Variants in LRRC4C observed in about 807,000 individuals in gnomAD.
LRRC4C encodes leucine-rich repeat-containing protein 4C.
Under a neutral mutation model 33.6 loss-of-function variants are expected in LRRC4C, and 5 were observed. That is an observed-to-expected ratio of 0.15 (90% CI 0.08 to 0.31). The LOEUF is 0.31. Ranked by LOEUF, LRRC4C falls within the 10% of genes least tolerant of loss-of-function variation. The pLI, the probability that LRRC4C is intolerant of heterozygous loss-of-function variation, is 1.00. For missense variants in LRRC4C, 560 were observed against 796.7 expected (o/e 0.70, Z 3.58); for synonymous variants, 329 against 302.0 (o/e 1.09, Z -0.93).
chr11:40,210,112 G>T (rs1246668799), intron 5 of LRRC4C, among the ~76,000 whole-genome samples: 1 of 151,832 alleles, frequency 6.6e-6, no homozygotes, highest in East Asian at 1.9e-4. Context: ...ATTTATTTGT[G>T]TATAAAGATT....
intron 2 of LRRC4C, among the ~76,000 whole-genome samples, chr11:40,755,690 G>C (rs1253176379): frequency 2.0e-5 from 3 of 152,014 alleles, no homozygotes; most frequent in African/African-American, 7.2e-5. Flanking sequence ...AAGAGCTCCT[G>C]ACAACAAGAA....
intron 1 of LRRC4C, among the ~76,000 whole-genome samples, chr11:41,273,588 A>G (rs1007243332): frequency 6.6e-6 from 1 of 152,182 alleles, no homozygotes; most frequent in African/African-American, 2.4e-5. Flanking sequence ...TCCAGAGGCT[A>G]AAGGAAGGGG....
chr11:40,594,733 T>C (rs1475038163), intron 3 of LRRC4C, among the ~76,000 whole-genome samples: 1 of 152,162 alleles, frequency 6.6e-6, no homozygotes, highest in Non-Finnish European at 1.5e-5. Context: ...TTGGGACAGT[T>C]TAGGGTGTCT....
chr11:41,003,526 G>A (rs949986661), intron 1 of LRRC4C, among the ~76,000 whole-genome samples: 1 of 148,770 alleles, frequency 6.7e-6, no homozygotes, highest in Admixed American at 6.7e-5. Flanking sequence ...TTGAGATTAT[G>A]TCAACCGACA....
intron 1 of LRRC4C, among the ~76,000 whole-genome samples, chr11:41,180,278 T>A (rs1472634103): frequency 6.6e-6 from 1 of 152,136 alleles, no homozygotes; most frequent in Non-Finnish European, 1.5e-5. Flanking sequence ...AATTGCTGAG[T>A]AACTTGGAGA....
chr11:41,211,240 C>T (rs1375667890), intron 1 of LRRC4C, among the ~76,000 whole-genome samples: 2 of 152,152 alleles, frequency 1.3e-5, no homozygotes, highest in African/African-American at 2.4e-5. Context: ...GGGTGAAGAG[C>T]AGACTGCCAT....
rs146782453 is a variant in LRRC4C, at chr11:41,146,221, C to T, written c.-495-212498G>A. ...ATGAAGAATGTAATCATTGTTAGTC[C>T]TAGCCTGGGTCATTTAACTTTTCTC... On this transcript the variant is annotated intron_variant, in intron 1 of 6. Transcript: ENST00000528697. Among the ~76,000 whole-genome samples, 244 of 152,224 alleles carry T rather than the reference C, an allele frequency of 1.6e-3. 1 individual carries two copies. The highest frequency in any genetic ancestry group is 5.6e-3 in the African/African-American group (233 of 41,550).
intron 2 of LRRC4C, among the ~76,000 whole-genome samples, chr11:40,698,689 T>G (rs575680643): frequency 6.6e-6 from 1 of 152,164 alleles, no homozygotes; most frequent in Non-Finnish European, 1.5e-5. Context: ...TACCCAAGAC[T>G]GGGCAATGTA....
chr11:40,261,302 CAAATG>C (rs1426247140), intron 4 of LRRC4C, among the ~76,000 whole-genome samples: 6 of 152,078 alleles, frequency 3.9e-5, no homozygotes, highest in African/African-American at 1.4e-4. Flanking sequence ...ATGTTATTGA[CAAATG>C]AAATGAAAAG....
intron 1 of LRRC4C, among the ~76,000 whole-genome samples, chr11:41,172,205 C>T (rs1367299812): frequency 6.6e-6 from 1 of 152,158 alleles, no homozygotes; most frequent in Non-Finnish European, 1.5e-5. Flanking sequence ...TACAAGAAAG[C>T]CAGCAATTTT....
At chr11:40,869,091 T>C (rs1378147106) in intron 2 of LRRC4C, among the ~76,000 whole-genome samples, 1 of 151,722 alleles carries the variant, frequency 6.6e-6, no homozygotes, top group Non-Finnish European at 1.5e-5. Flanking sequence ...CATTTAGAAG[T>C]AAGAAAACTG....
chr11:40,624,903 T>C (rs1312918331), intron 3 of LRRC4C, among the ~76,000 whole-genome samples: 1 of 152,092 alleles, frequency 6.6e-6, no homozygotes, highest in Non-Finnish European at 1.5e-5. Context: ...CCCTTTAAGG[T>C]CATTTATTAT....
At chr11:40,337,636 T>G (rs1484667169) in intron 3 of LRRC4C, among the ~76,000 whole-genome samples, 1 of 152,212 alleles carries the variant, frequency 6.6e-6, no homozygotes, top group Non-Finnish European at 1.5e-5. Context: ...AATAATCTGT[T>G]TACTCTTCTC....
intron 5 of LRRC4C, among the ~76,000 whole-genome samples, chr11:40,164,856 T>C (rs771580346): frequency 1.3e-5 from 2 of 152,220 alleles, no homozygotes; most frequent in African/African-American, 4.8e-5. Flanking sequence ...ATATATCATA[T>C]GCACCCCATA....
At chr11:40,315,067 A>G (rs1354164699) in intron 4 of LRRC4C, among the ~76,000 whole-genome samples, 1 of 152,092 alleles carries the variant, frequency 6.6e-6, no homozygotes, top group Non-Finnish European at 1.5e-5. Context: ...TGCTTCAACA[A>G]GAAGAAATAA....
chr11:40,904,352 A>G (rs558161980), intron 2 of LRRC4C, among the ~76,000 whole-genome samples: 33 of 152,302 alleles, frequency 2.2e-4, no homozygotes, highest in Non-Finnish European at 3.7e-4. Flanking sequence ...TCTGTTTTTT[A>G]GGCTTCCTTA....
At chr11:40,156,345 C>G (rs1221583038) in intron 5 of LRRC4C, among the ~76,000 whole-genome samples, 1 of 152,032 alleles carries the variant, frequency 6.6e-6, no homozygotes, top group Non-Finnish European at 1.5e-5. Context: ...AAGTCCTAGC[C>G]AGAGCAATAA....
At position 41,023,505 on chromosome 11, in the gene LRRC4C, G is replaced by GA. The variant is rs1456575057; in HGVS notation, c.-495-89783dup. 4.0e-5 allele frequency among the ~76,000 whole-genome samples: 6 copies of GA among 151,736 alleles called. No homozygotes were observed. The East Asian group carries it at 1.2e-3, about 29-fold the overall frequency. ...TCTAACAATTAAATGACATATGCTGGAAAAAAATATCCCTGTAGTATATTT... is the reference window on the plus strand; with the variant it reads ...TCTAACAATTAAATGACATATGCTGGAAAAAAAATATCCCTGTAGTATATTT... On this transcript the variant is annotated intron_variant, in intron 1 of 6. Coordinates refer to ENST00000528697, the MANE Select transcript of LRRC4C (RefSeq NM_001258419.2).
chr11:40,431,580 C>A (rs1308341428), intron 3 of LRRC4C, among the ~76,000 whole-genome samples: 5 of 151,882 alleles, frequency 3.3e-5, no homozygotes, highest in African/African-American at 1.2e-4. Flanking sequence ...CCTTTCTTTC[C>A]TTTTTCTTAA....
Sources: gnomAD v4.1 joint callset for allele counts (sites outside exome capture counted in the v4.1 genomes callset) on GRCh38, gnomAD v4.1.1 for gene constraint, MANE v1.5 for transcripts, NCBI Gene and HGNC (gene_info 2026-07-23, HGNC 2026-07-21) for gene names.